Variants in PRC1 observed in about 807,000 individuals in gnomAD.
PRC1 encodes anaphase spindle elongation 1 homolog.
In PRC1, 54 loss-of-function variants were observed where a neutral mutation model predicts 91.2. That is an observed-to-expected ratio of 0.59 (90% CI 0.48 to 0.74). PRC1 has a LOEUF of 0.74. Among genes scored for constraint, PRC1 ranks in the 30% least tolerant of loss-of-function variants. The pLI, the probability that PRC1 is intolerant of heterozygous loss-of-function variation, is 0.00. For synonymous variants in PRC1, 275 were observed against 263.6 expected, an observed-to-expected ratio of 1.04 and a Z score of -0.42; for missense variants, 727 against 746.2, an observed-to-expected ratio of 0.97 and a Z score of 0.30.
chr15:90,985,371 T>TAGGCAGGTGCTACCAC (rs2039503352), intron 1 of PRC1, among the ~76,000 whole-genome samples: 1 of 151,464 alleles, frequency 6.6e-6, no homozygotes, highest in Non-Finnish European at 1.5e-5. Context: ...GGTGGGACTA[T>TAGGCAGGTGCTACCAC]AGGCAGGTGC....
At chr15:90,993,921 TAA>T (rs11311113) in intron 1 of PRC1, among the ~76,000 whole-genome samples, 5 of 151,136 alleles carry the variant, frequency 3.3e-5, no homozygotes, top group African/African-American at 1.2e-4. Context: ...TCCACAAAAA[TAA>T]AAAAAAAGAA....
intron 8 of PRC1, 135 bp downstream of exon 8, chr15:90,979,023 G>T: frequency 4.5e-6 from 5 of 1,116,664 alleles, no homozygotes; most frequent in Non-Finnish European, 5.0e-6. Flanking sequence ...AAACAGAGGC[G>T]GTCAGCAGAA....
Position 90,984,736 on chromosome 15 carries a change from T to G in PRC1, c.101A>C (p.Asp34Ala). Residue 34 changes from aspartate (D) to alanine (A), a missense_variant, in exon 2 of 15, where the codon GAC (aspartate) becomes GCC (alanine). Coordinates refer to ENST00000394249, the MANE Select transcript of PRC1 (RefSeq NM_003981.4). This position sits in a 1 kb window ranked among gnomAD's most constrained non-coding sequence, Gnocchi z 5.1. ...EIWELIGIPE[D>A]QRLQRTEVVK... ...CACCTCAGTTCTTTGTAACCGCTGG[T>G]CCTCTGGAATCCCAATTAGCTCCCA... The G allele has an allele frequency of 6.2e-7, 1 of 1,614,152 alleles. No homozygotes were observed. The highest frequency in any genetic ancestry group is 8.5e-7 in the Non-Finnish European group (1 of 1,180,012).
rs1182089169 is a variant in PRC1, at chr15:90,966,115, G to C, written c.*1016C>G. On this transcript the variant is annotated 3_prime_UTR_variant, in exon 15 of 15. Coordinates refer to ENST00000394249, the MANE Select transcript of PRC1 (RefSeq NM_003981.4). ...ATATTTTAAAAACAGGACACGTACT[G>C]TATGAGTAAACAGCGTGGCTAACAC... is the stretch of plus-strand genomic sequence containing the variant. The C allele has an allele frequency of 1.3e-5, 2 of 154,754 alleles. No homozygotes were observed. The highest frequency in any genetic ancestry group is 4.8e-5 in the African/African-American group (2 of 41,488). The allele number at this position is 154,754 out of a possible 1,614,324, so 9.6% of individuals were successfully genotyped here.
intron 13 of PRC1, 29 bp downstream of exon 13, chr15:90,969,418 A>G: frequency 6.4e-7 from 1 of 1,567,028 alleles, no homozygotes; most frequent in Non-Finnish European, 8.7e-7. Flanking sequence ...CTCCCCAGAG[A>G]CTGGTAGATA....
At position 90,981,034 on chromosome 15, in the gene PRC1, C is replaced by G; in HGVS notation, c.673-1G>C. 6.2e-7 allele frequency: 1 copy of G among 1,614,094 alleles called. No homozygotes were observed. Among genetic ancestry groups the G allele is most frequent in the Non-Finnish European group, 8.5e-7 (1 of 1,180,018 alleles). On this transcript the variant is annotated splice_acceptor_variant, in intron 5 of 14. Coordinates refer to ENST00000394249, the MANE Select transcript of PRC1 (RefSeq NM_003981.4). LOFTEE classifies it high-confidence loss of function. ...CATTTTGTGATTTCTGCATTTCCAG[C>G]TACAGCATAGAAAGCCAGTGTCACT...
chr15:90,987,650 C>T (rs1298603080), intron 1 of PRC1: 1 of 152,208 alleles, frequency 6.6e-6, no homozygotes, highest in Non-Finnish European at 1.5e-5. Context: ...ACAACTAAGA[C>T]TGCCCTGGCA....
intron 1 of PRC1, 40 bp downstream of exon 1, chr15:90,994,367 G>T: frequency 3.1e-6 from 5 of 1,611,468 alleles, no homozygotes; most frequent in Non-Finnish European, 4.2e-6. Flanking sequence ...AACGAGCGTC[G>T]CTCCCTCCCG....
At chr15:90,977,588 T>TC in intron 8 of PRC1, among the ~76,000 whole-genome samples, 1 of 144,764 alleles carries the variant, frequency 6.9e-6, no homozygotes, top group East Asian at 2.0e-4. Context: ...TTTTTTTTTT[T>TC]TTTTTTTTTT....
At chr15:90,977,526 C>T (rs1487290002) in intron 8 of PRC1, among the ~76,000 whole-genome samples, 7 of 141,348 alleles carry the variant, frequency 5.0e-5, no homozygotes, top group Non-Finnish European at 1.5e-5. Flanking sequence ...TTGTTTTCTT[C>T]TTAAATATTG....
At chr15:90,970,270 A>G (rs968239161) in intron 12 of PRC1, 134 bp downstream of exon 12, 8 of 696,110 alleles carry the variant, frequency 1.1e-5, no homozygotes, top group African/African-American at 3.6e-5. Context: ...GAGCTAGCTT[A>G]TATCTGTCAA....
chr15:90,992,002 A>T (rs966613220), intron 1 of PRC1, among the ~76,000 whole-genome samples: 1 of 152,216 alleles, frequency 6.6e-6, no homozygotes, highest in Non-Finnish European at 1.5e-5. Context: ...TTCCTGTCAC[A>T]GCGACCTCCT....
Position 90,970,478 on chromosome 15 carries a change from T to C in PRC1, c.1498A>G (p.Ser500Gly). ...CCTCCAAAGATAGGCCGAATGCTACTATTGGCCGTAGCATTGGACATGGTG... is the reference window on the plus strand; with the variant it reads ...CCTCCAAAGATAGGCCGAATGCTACCATTGGCCGTAGCATTGGACATGGTG... ...TTTMSNATANSSIRPIFGGTV... is the reference protein window; with the variant it reads ...TTTMSNATANGSIRPIFGGTV... The change falls in exon 12 of 15, where the codon AGT becomes GGT. Residue 500 changes from serine (S) to glycine (G), a missense_variant. Physicochemically the swap from Ser to Gly is moderately conservative, Grantham distance 56. Transcript: ENST00000394249. The C allele has an allele frequency of 6.2e-7, 1 of 1,613,712 alleles. No individual in the cohort carries two copies. Among genetic ancestry groups the C allele is most frequent in the Non-Finnish European group, 8.5e-7 (1 of 1,179,658 alleles).
At position 90,974,528 on chromosome 15, in the gene PRC1, G is replaced by T; in HGVS notation, c.1350+57C>A. On this transcript the variant is annotated intron_variant, in intron 10 of 14. Transcript: ENST00000394249. The surrounding 1 kb of genome is among the most constrained non-coding windows in gnomAD (Gnocchi z 4.6). ...ACCCTGGTCCCCGGCAGAGACTATGGGCTGCTCAGATTACTTTCTTCGTCT... is the reference window on the plus strand; with the variant it reads ...ACCCTGGTCCCCGGCAGAGACTATGTGCTGCTCAGATTACTTTCTTCGTCT... The T allele has an allele frequency of 6.2e-7, 1 of 1,607,678 alleles. No homozygotes were observed.
chr15:90,974,428 G>A lies in PRC1; in HGVS notation c.1350+157C>T, dbSNP rs567652666. Reference sequence around the variant, plus strand: ...CCCCGTTCCACAAGCCCCGGTCCCCGGCTCCCCGTTCCACAAGCCCCGGTC... The same window carrying A: ...CCCCGTTCCACAAGCCCCGGTCCCCAGCTCCCCGTTCCACAAGCCCCGGTC... On this transcript the variant is annotated intron_variant, in intron 10 of 14. Transcript: ENST00000394249. This position sits in a 1 kb window ranked among gnomAD's most constrained non-coding sequence, Gnocchi z 4.6. The A allele has an allele frequency of 4.4e-4, 541 of 1,220,418 alleles. 4 individuals carry two copies. The highest frequency in any genetic ancestry group is 3.6e-3 in the Middle Eastern group (15 of 4,142). The allele number at this position is 1,220,418 out of a possible 1,614,324, so 75.6% of individuals were successfully genotyped here.
In PRC1 at chr15:90,966,577, T is replaced by TGTCA. The variant is rs1355704587; in HGVS notation, c.*550_*553dup. ...TTAACAAAGCTGCTCCCAGCCTTCC[T>TGTCA]GTCACCTCTTTGGCAGTAGGGCAGG... On this transcript the variant is annotated 3_prime_UTR_variant, in exon 15 of 15. Transcript: ENST00000394249. 2.2e-6 allele frequency: 1 copy of TGTCA among 456,036 alleles called. No homozygotes were observed. The highest frequency in any genetic ancestry group is 4.4e-6 in the Non-Finnish European group (1 of 226,830). The allele number at this position is 456,036 out of a possible 1,614,324, so 28.2% of individuals were successfully genotyped here. A position where few individuals can be genotyped will look rare whatever the true frequency, so the allele number is the denominator to read the frequency against.
In PRC1 at chr15:90,984,235, C is replaced by A; in HGVS notation, c.145-95G>T. 1 of 1,484,216 alleles carries A rather than the reference C, an allele frequency of 6.7e-7. No individual in the cohort carries two copies. Among genetic ancestry groups the A allele is most frequent in the East Asian group, 2.3e-5 (1 of 43,556 alleles). 91.9% of individuals were successfully genotyped at this position (1,484,216 alleles called of 1,614,324 possible). ...CTCCTCAAATTTCTTTTTTCTTTTT[C>A]TTTTTTTCTTTGAGATGGAGTCTCG... On this transcript the variant is annotated intron_variant, in intron 2 of 14. Coordinates refer to ENST00000394249, the MANE Select transcript of PRC1 (RefSeq NM_003981.4). This position sits in a 1 kb window ranked among gnomAD's most constrained non-coding sequence, Gnocchi z 5.1.
rs761671937 is a variant in PRC1, at chr15:90,984,087, G to T, written c.198C>A (p.Ile66=). The T allele has an allele frequency of 3.1e-6, 5 of 1,613,974 alleles. No homozygotes were observed. Among genetic ancestry groups the T allele is most frequent in the Non-Finnish European group, 4.2e-6 (5 of 1,180,012 alleles). The change falls in exon 3 of 15, where the codon ATC becomes ATA. Residue 66 remains isoleucine (I), a synonymous_variant. Coordinates refer to ENST00000394249, the MANE Select transcript of PRC1 (RefSeq NM_003981.4). The surrounding 1 kb of genome is among the most constrained non-coding windows in gnomAD (Gnocchi z 5.1). ...CTTTCTGACAGACGGATATGCTTTT[G>T]ATGAGTCTTTCCTTCAGGCTTTCCT... ...AEEESLKERL[I]KSISVCQKEL...
At chr15:90,980,511 ACT>A in intron 6 of PRC1, 122 bp from the exon 7 acceptor site, 13 of 811,374 alleles carry the variant, frequency 1.6e-5, no homozygotes, top group Non-Finnish European at 2.2e-5. Context: ...ATAAATCAAC[ACT>A]TTTTTTTTTT....
Sources: gnomAD v4.1 joint callset for allele counts (sites outside exome capture counted in the v4.1 genomes callset) on GRCh38, gnomAD v4.1.1 for gene constraint, Gnocchi (gnomAD v3.1) non-coding constraint, MANE v1.5 for transcripts, NCBI Gene and HGNC (gene_info 2026-07-23, HGNC 2026-07-21) for gene names.